RBFOX1: variants seen among roughly 807,000 people sequenced by gnomAD.
RBFOX1 encodes RNA binding protein fox-1 homolog 1.
In RBFOX1, 8 loss-of-function variants were observed where a neutral mutation model predicts 57.7. That is an observed-to-expected ratio of 0.14 (90% CI 0.08 to 0.25). The LOEUF (loss-of-function observed/expected upper bound fraction) is 0.25. RBFOX1 is among the 10% of genes least tolerant of loss of function. The pLI is 1.00. For missense variants in RBFOX1, 611 were observed against 548.5 expected (o/e 1.11, Z -1.14); for synonymous variants, 326 against 222.4 (o/e 1.47, Z -4.15).
intron 1 of RBFOX1, among the ~76,000 whole-genome samples, chr16:6,214,078 T>C (rs2097315521): frequency 6.6e-6 from 1 of 152,200 alleles, no homozygotes; most frequent in Non-Finnish European, 1.5e-5. Flanking sequence ...AATAAGTGTT[T>C]CTTTCACTCC....
chr16:6,937,530 C>T (rs986130488), intron 3 of RBFOX1, among the ~76,000 whole-genome samples: 15 of 152,084 alleles, frequency 9.9e-5, no homozygotes, highest in African/African-American at 3.4e-4. Flanking sequence ...ATCCTGAGAA[C>T]ACACACCCAT....
intron 3 of RBFOX1, among the ~76,000 whole-genome samples, chr16:6,700,137 C>G (rs2061605792): frequency 6.6e-6 from 1 of 151,992 alleles, no homozygotes; most frequent in African/African-American, 2.4e-5. Flanking sequence ...GAGGCATTCC[C>G]CTAAGGTGAT....
chr16:5,368,967 T>C (rs927941528), intron 1 of RBFOX1, among the ~76,000 whole-genome samples: 7 of 152,228 alleles, frequency 4.6e-5, no homozygotes. Context: ...CTTGGTATTA[T>C]TTTCAAAAGC....
rs540616405 is a variant in RBFOX1, at chr16:5,248,581, C to T, written c.219+8476C>T. On this transcript the variant is annotated intron_variant, in intron 1 of 2. Transcript: ENST00000585867. ...CCAGCTGAGGATCAGAGCCCCGGGGCAGGAGCCAGGGCCGTGGAGCGCTTG... is the reference window on the plus strand; with the variant it reads ...CCAGCTGAGGATCAGAGCCCCGGGGTAGGAGCCAGGGCCGTGGAGCGCTTG... Among the ~76,000 whole-genome samples, 12 of 152,286 alleles carry T rather than the reference C, an allele frequency of 7.9e-5. No homozygotes were observed. In the East Asian group the frequency reaches 1.9e-3, roughly 25 times the overall value.
intron 4 of RBFOX1, among the ~76,000 whole-genome samples, chr16:7,325,537 C>G (rs1001028549): frequency 6.6e-6 from 1 of 152,176 alleles, no homozygotes; most frequent in Admixed American, 6.5e-5. Context: ...TGGAACGGCT[C>G]ATTTGCATAC....
intron 3 of RBFOX1, among the ~76,000 whole-genome samples, chr16:5,774,759 G>T (rs138039654): frequency 0.06 from 9,191 of 152,082 alleles, 902 homozygotes; most frequent in African/African-American, 0.21. Context: ...CTTGGCTCAC[G>T]GCAACTTCCA....
chr16:6,087,872 C>T (rs780716683), intron 1 of RBFOX1, among the ~76,000 whole-genome samples: 3 of 152,038 alleles, frequency 2.0e-5, no homozygotes, highest in African/African-American at 4.8e-5. Flanking sequence ...AGAATGGTCT[C>T]GATCTCTTGA....
intron 3 of RBFOX1, 92 bp from the exon 4 acceptor site, chr16:7,051,965 G>T: frequency 6.5e-7 from 1 of 1,533,478 alleles, no homozygotes. Flanking sequence ...TTTTCTTTGA[G>T]CTGAGTAATT....
chr16:6,436,285 A>G (rs770464963), intron 2 of RBFOX1, among the ~76,000 whole-genome samples: 14 of 152,204 alleles, frequency 9.2e-5, no homozygotes, highest in Non-Finnish European at 1.8e-4. Flanking sequence ...TTGAATTACC[A>G]GTGAAATTAC....
At chr16:6,077,255 T>C (rs2095916959) in intron 1 of RBFOX1, among the ~76,000 whole-genome samples, 1 of 152,180 alleles carries the variant, frequency 6.6e-6, no homozygotes, top group Non-Finnish European at 1.5e-5. Flanking sequence ...ACCATGGCAT[T>C]GCAGTTGACA....
intron 1 of RBFOX1, among the ~76,000 whole-genome samples, chr16:5,283,329 G>A (rs1260339844): frequency 1.3e-5 from 2 of 152,176 alleles, no homozygotes; most frequent in Non-Finnish European, 2.9e-5. Flanking sequence ...CCCTACTGTG[G>A]CACCACCTAG....
chr16:7,112,378 A>ATTTTT (rs5815373), intron 4 of RBFOX1, among the ~76,000 whole-genome samples: 3 of 139,358 alleles, frequency 2.2e-5, no homozygotes, highest in African/African-American at 8.0e-5. Flanking sequence ...AATTTTTTGT[A>ATTTTT]TTTTTTTTTT....
rs73557994 is a variant in RBFOX1 at position 7,287,997 on chromosome 16, T to G, written c.28-230150T>G. 7.3e-3 allele frequency among the ~76,000 whole-genome samples: 1,107 copies of G among 152,150 alleles called. 11 individuals carry two copies. Among genetic ancestry groups the G allele is most frequent in the African/African-American group, 0.025 (1,018 of 41,482 alleles). ...CTGTTGAACGAAAAATCCAAACCAA[T>G]CTCGTGTGTATTTGCTGGCTGAGAT... On this transcript the variant is annotated intron_variant, in intron 4 of 15. Transcript: ENST00000550418.
intron 2 of RBFOX1, among the ~76,000 whole-genome samples, chr16:6,604,882 T>C (rs1018530202): frequency 3.9e-5 from 6 of 152,142 alleles, no homozygotes; most frequent in African/African-American, 1.4e-4. Context: ...ACGCCTGTAA[T>C]CTCAACAGTT....
At chr16:6,739,219 A>G (rs2071326236) in intron 3 of RBFOX1, among the ~76,000 whole-genome samples, 1 of 151,606 alleles carries the variant, frequency 6.6e-6, no homozygotes. Context: ...GAAAATGGCA[A>G]ACTTCTAGTA....
intron 4 of RBFOX1, among the ~76,000 whole-genome samples, chr16:5,897,016 C>CTTTGTTTTTTTTTTTTTT (rs2058182340): frequency 1.8e-5 from 1 of 56,460 alleles, no homozygotes; most frequent in Non-Finnish European, 3.0e-5. Context: ...TATCCATCCG[C>CTTTGTTTTTTTTTTTTTT]TTTTTTTTTT....
At chr16:6,590,620 G>T (rs909170648) in intron 2 of RBFOX1, among the ~76,000 whole-genome samples, 5 of 152,140 alleles carry the variant, frequency 3.3e-5, no homozygotes, top group African/African-American at 4.8e-5. Context: ...AGCTAAATTG[G>T]CTTCATGGGG....
chr16:5,294,170 A>C (rs2063604479), intron 1 of RBFOX1, among the ~76,000 whole-genome samples: 3 of 152,186 alleles, frequency 2.0e-5, no homozygotes, highest in South Asian at 4.1e-4. Context: ...CAGAGGTTGC[A>C]GTGAGCTGAG....
chr16:6,191,311 A>C, intron 1 of RBFOX1, among the ~76,000 whole-genome samples: 1 of 151,288 alleles, frequency 6.6e-6, no homozygotes, highest in East Asian at 1.9e-4. Flanking sequence ...ATGATAACCC[A>C]CCCTTGTAAG....
Sources: allele counts gnomAD v4.1 joint callset (sites outside exome capture counted in the v4.1 genomes callset), GRCh38; gene constraint gnomAD v4.1.1; transcripts MANE v1.5; gene names NCBI Gene and HGNC (gene_info 2026-07-23, HGNC 2026-07-21).